Variants in NAA50 observed in about 807,000 individuals in gnomAD.
The protein encoded by NAA50 is N-alpha-acetyltransferase 50.
In NAA50, 7 loss-of-function variants were observed where a neutral mutation model predicts 20.7. That is an observed-to-expected ratio of 0.34 (90% CI 0.19 to 0.63). The LOEUF is 0.63. NAA50 is among the 30% of genes least tolerant of loss of function. The probability of loss-of-function intolerance (pLI) is 0.75; values close to 1 mark genes in which losing one functional copy is unlikely to be tolerated. For missense variants in NAA50, 111 were observed against 199.1 expected, an observed-to-expected ratio of 0.56 and a Z score of 2.66; for synonymous variants, 54 against 70.6, an observed-to-expected ratio of 0.77 and a Z score of 1.18.
chr3:113,733,728 CT>C (rs1577070899), intron 1 of NAA50, among the ~76,000 whole-genome samples: 1 of 151,570 alleles, frequency 6.6e-6, no homozygotes, highest in Non-Finnish European at 1.5e-5. Flanking sequence ...TGGCGCACAC[CT>C]GTAATCCCAG....
intron 1 of NAA50, among the ~76,000 whole-genome samples, chr3:113,738,858 C>A (rs1693466271): frequency 6.6e-6 from 1 of 152,070 alleles, no homozygotes; most frequent in Admixed American, 6.5e-5. Flanking sequence ...ATTTTCCTTG[C>A]TTATCCTTGT....
chr3:113,724,073 C>A lies in NAA50; in HGVS notation c.31G>T (p.Val11Leu). The change falls in exon 2 of 5, where the codon GTG (valine) becomes TTG (leucine). Residue 11 changes from valine to leucine, a missense_variant. Val to Leu is a conservative substitution (Grantham distance 32, BLOSUM62 1). Coordinates refer to ENST00000240922, the MANE Select transcript of NAA50 (RefSeq NM_025146.4). ...AACTGTTTAATATTGTGTGGTGTCA[C>A]ATCTCCCAGCTCGATCCGGCTACTG... MKGSRIELGD[V>L]TPHNIKQLKR... 6.3e-7 allele frequency: 1 copy of A among 1,596,246 alleles called. No individual in the cohort carries two copies. Among genetic ancestry groups the A allele is most frequent in the Non-Finnish European group, 8.5e-7 (1 of 1,171,592 alleles).
intron 1 of NAA50, among the ~76,000 whole-genome samples, chr3:113,725,387 G>T (rs1299753657): frequency 6.6e-6 from 1 of 152,036 alleles, no homozygotes; most frequent in Non-Finnish European, 1.5e-5. Context: ...ATGCTTGAAA[G>T]GATTTTAATT....
At chr3:113,743,535 G>A (rs191227550) in intron 1 of NAA50, among the ~76,000 whole-genome samples, 1 of 152,262 alleles carries the variant, frequency 6.6e-6, no homozygotes, top group African/African-American at 2.4e-5. Flanking sequence ...TTCAGTATCC[G>A]AACAAGCACA....
intron 1 of NAA50, among the ~76,000 whole-genome samples, chr3:113,734,239 A>G (rs1230930333): frequency 6.6e-6 from 1 of 152,152 alleles, no homozygotes; most frequent in African/African-American, 2.4e-5. Context: ...TATATGTGGG[A>G]GCTGAACACT....
rs1708101716 is a variant in NAA50, at chr3:113,719,259, T to C, written c.*2501A>G. 6.6e-6 allele frequency: 1 copy of C among 152,616 alleles called. No homozygotes were observed. The highest frequency in any genetic ancestry group is 2.4e-5 in the African/African-American group (1 of 41,454). 9.5% of individuals were successfully genotyped at this position (152,616 alleles called of 1,614,324 possible). A position where few individuals can be genotyped will look rare whatever the true frequency, so the allele number is the denominator to read the frequency against. On this transcript the variant is annotated 3_prime_UTR_variant, in exon 5 of 5. Coordinates refer to ENST00000240922, the MANE Select transcript of NAA50 (RefSeq NM_025146.4). ...AATGAAAGCTAATCTGGACAAACTA[T>C]ATATTGCATAGATTTCTCTACAGAT... is the stretch of plus-strand genomic sequence containing the variant.
At chr3:113,743,710 G>A (rs1708451283) in intron 1 of NAA50, among the ~76,000 whole-genome samples, 1 of 152,180 alleles carries the variant, frequency 6.6e-6, no homozygotes, top group Admixed American at 6.5e-5. Context: ...ACAATTCTAA[G>A]CTCCCAATCA....
chr3:113,729,551 T>C (rs1708244560), intron 1 of NAA50, among the ~76,000 whole-genome samples: 1 of 152,000 alleles, frequency 6.6e-6, no homozygotes, highest in African/African-American at 2.4e-5. Context: ...TCTTTCTTTT[T>C]TTTTTTTTGA....
intron 1 of NAA50, among the ~76,000 whole-genome samples, chr3:113,726,850 C>T (rs116731720): frequency 0.015 from 2,278 of 152,170 alleles, 52 homozygotes; most frequent in African/African-American, 0.05. Context: ...GCTCTGTTGC[C>T]CAGGCATAAT....
rs1283182693 is a variant in NAA50 at position 113,720,889 on chromosome 3, A to T, written c.*871T>A. ...AGTGACCTATAAGGACATCAACTCA[A>T]TTTTTAAGGTTAGACTATTGTTGGG... On this transcript the variant is annotated 3_prime_UTR_variant, in exon 5 of 5. Transcript: ENST00000240922. The T allele has an allele frequency of 1.3e-5, 2 of 152,530 alleles. No homozygotes were observed. Among genetic ancestry groups the T allele is most frequent in the Non-Finnish European group, 2.9e-5 (2 of 67,998 alleles). The allele number at this position is 152,530 out of a possible 1,614,324, so 9.4% of individuals were successfully genotyped here.
At chr3:113,745,456 T>G (rs1487153615) in intron 1 of NAA50, among the ~76,000 whole-genome samples, 2 of 152,116 alleles carry the variant, frequency 1.3e-5, no homozygotes, top group African/African-American at 4.8e-5. Flanking sequence ...CCCGTGCTCT[T>G]TATTCCAATT....
At chr3:113,734,057 TCTA>T (rs1191043616) in intron 1 of NAA50, among the ~76,000 whole-genome samples, 1 of 152,086 alleles carries the variant, frequency 6.6e-6, no homozygotes, top group Non-Finnish European at 1.5e-5. Context: ...TGGGGCTCAT[TCTA>T]CTGTTTCATT....
At chr3:113,729,743 A>G (rs190296015) in intron 1 of NAA50, among the ~76,000 whole-genome samples, 3 of 151,886 alleles carry the variant, frequency 2.0e-5, no homozygotes, top group Admixed American at 6.5e-5. Flanking sequence ...TTTTTGGTAG[A>G]GACAGGATTT....
chr3:113,723,945 A>T lies in NAA50; in HGVS notation c.145+14T>A, dbSNP rs766008876. 4.5e-6 allele frequency: 7 copies of T among 1,539,124 alleles called. No individual in the cohort carries two copies. The highest frequency in any genetic ancestry group is 6.1e-6 in the Non-Finnish European group (7 of 1,144,762). ...AAGAAAAGAAGGGAGGACAAAAAAA[A>T]AACTATATTATACCAAGTTTTGCTA... is the stretch of plus-strand genomic sequence containing the variant. On this transcript the variant is annotated intron_variant, in intron 2 of 4. Transcript: ENST00000240922.
In NAA50 at chr3:113,719,034, T is replaced by C. The variant is rs996205561; in HGVS notation, c.*2726A>G. ...AAGTTTATTTCAGATGTAACAGCAA[T>C]GTTAAAATTGACAAGTTTAATTCTT... On this transcript the variant is annotated 3_prime_UTR_variant, in exon 5 of 5. Transcript: ENST00000240922. The C allele has an allele frequency of 2.0e-5, 3 of 152,756 alleles. No individual in the cohort carries two copies. Among genetic ancestry groups the C allele is most frequent in the African/African-American group, 7.2e-5 (3 of 41,576 alleles). 9.5% of individuals were successfully genotyped at this position (152,756 alleles called of 1,614,324 possible). A position where few individuals can be genotyped will look rare whatever the true frequency, so the allele number is the denominator to read the frequency against.
At chr3:113,726,004 G>A (rs547525753) in intron 1 of NAA50, among the ~76,000 whole-genome samples, 71 of 152,218 alleles carry the variant, frequency 4.7e-4, no homozygotes, top group African/African-American at 1.6e-3. Context: ...ATAAAGCATC[G>A]TTTCTGTCAT....
In NAA50 at chr3:113,746,091, G is replaced by A; in HGVS notation, c.-142C>T. 2 of 1,121,296 alleles carry A rather than the reference G, an allele frequency of 1.8e-6. No homozygotes were observed. Among genetic ancestry groups the A allele is most frequent in the Non-Finnish European group, 2.5e-6 (2 of 795,694 alleles). The allele number at this position is 1,121,296 out of a possible 1,614,324, so 69.5% of individuals were successfully genotyped here. A position where few individuals can be genotyped will look rare whatever the true frequency, so the allele number is the denominator to read the frequency against. ...CTGGGCAGGGAGCTGTGCGAGCAACGAAGGCCGCGAGAGTCGAGTGAGGGC... is the reference window on the plus strand; with the variant it reads ...CTGGGCAGGGAGCTGTGCGAGCAACAAAGGCCGCGAGAGTCGAGTGAGGGC... On this transcript the variant is annotated 5_prime_UTR_variant, in exon 1 of 5. Coordinates refer to ENST00000240922, the MANE Select transcript of NAA50 (RefSeq NM_025146.4).
intron 1 of NAA50, among the ~76,000 whole-genome samples, chr3:113,734,729 C>G (rs980182636): frequency 1.3e-5 from 2 of 152,180 alleles, no homozygotes; most frequent in Non-Finnish European, 2.9e-5. Context: ...AATGAGTGAG[C>G]CTTCCATTTA....
intron 1 of NAA50, among the ~76,000 whole-genome samples, chr3:113,728,297 TA>T (rs1280887694): frequency 2.0e-5 from 3 of 152,214 alleles, no homozygotes; most frequent in Admixed American, 2.0e-4. Context: ...TAGAGTTGCC[TA>T]AAGCATAAAT....
Sources: allele counts gnomAD v4.1 joint callset (sites outside exome capture counted in the v4.1 genomes callset), GRCh38; gene constraint gnomAD v4.1.1; transcripts MANE v1.5; gene names NCBI Gene and HGNC (gene_info 2026-07-23, HGNC 2026-07-21).